Variants in TRAPPC3 observed in about 807,000 individuals in gnomAD.
The protein encoded by TRAPPC3 is trafficking protein particle complex 3.
Under a neutral mutation model 18.2 loss-of-function variants are expected in TRAPPC3, and 5 were observed. That is an observed-to-expected ratio of 0.28 (90% confidence interval 0.14 to 0.58). TRAPPC3 has a LOEUF of 0.58. Among genes scored for constraint, TRAPPC3 ranks in the 20% least tolerant of loss-of-function variants. The pLI is 0.91. For synonymous variants in TRAPPC3, 65 were observed against 84.2 expected (o/e 0.77, Z 1.25); for missense variants, 176 against 225.9 (o/e 0.78, Z 1.41).
upstream of TRAPPC3, among the ~76,000 whole-genome samples, chr1:36,153,035 T>C (rs115913112): frequency 4.8e-3 from 728 of 152,306 alleles, 7 homozygotes; most frequent in African/African-American, 0.015. Context: ...AGCTCACTCA[T>C]GCCTGTTTCC....
At chr1:36,147,708 A>G (rs1283507580) in intron 1 of TRAPPC3, among the ~76,000 whole-genome samples, 1 of 152,188 alleles carries the variant, frequency 6.6e-6, no homozygotes, top group Admixed American at 6.5e-5. Flanking sequence ...TCAGGAGGGA[A>G]GGCCTCTCAA....
At chr1:36,152,121 G>C (rs913067086), upstream of TRAPPC3, among the ~76,000 whole-genome samples, 5 of 152,086 alleles carry the variant, frequency 3.3e-5, no homozygotes, top group African/African-American at 1.2e-4. Flanking sequence ...GGGTGTGGGA[G>C]CAGCATCCAA....
chr1:36,149,453 C>G lies in TRAPPC3; in HGVS notation c.-75G>C. 6.4e-7 allele frequency: 1 copy of G among 1,572,796 alleles called. No individual in the cohort carries two copies. Among genetic ancestry groups the G allele is most frequent in the Non-Finnish European group, 8.6e-7 (1 of 1,156,638 alleles). On this transcript the variant is annotated 5_prime_UTR_variant, in exon 1 of 5. Coordinates refer to ENST00000373166, the MANE Select transcript of TRAPPC3 (RefSeq NM_014408.5). ...CCCCTGCAGACGCCGGAGCCTAAGC[C>G]GCTGCCCCTCAGCCCACAAGACCGA...
At chr1:36,149,522 CACGGG>C (rs1411078322), upstream of TRAPPC3, 3 of 1,085,164 alleles carry the variant, frequency 2.8e-6, no homozygotes, top group African/African-American at 1.6e-5. Flanking sequence ...CGCGGGGCAC[CACGGG>C]ACTAGTGGTC....
At chr1:36,145,640 C>T (rs1466269302) in intron 1 of TRAPPC3, among the ~76,000 whole-genome samples, 3 of 152,222 alleles carry the variant, frequency 2.0e-5, no homozygotes, top group African/African-American at 7.2e-5. Context: ...ACTAGCTTTA[C>T]TAATAACACA....
intron 1 of TRAPPC3, among the ~76,000 whole-genome samples, chr1:36,146,024 C>T (rs185267023): frequency 9.2e-5 from 14 of 151,998 alleles, no homozygotes; most frequent in Admixed American, 3.9e-4. Flanking sequence ...GTGATCCACC[C>T]GCCCTGGCCT....
intron 1 of TRAPPC3, 51 bp from the exon 2 acceptor site, chr1:36,140,217 C>A (rs762454722): frequency 8.8e-6 from 11 of 1,249,492 alleles, no homozygotes; most frequent in Non-Finnish European, 1.1e-5. Flanking sequence ...AAAGAGAAAG[C>A]GTGGTGAGAG....
chr1:36,149,293 C>T, intron 1 of TRAPPC3, 44 bp downstream of exon 1: 1 of 1,612,986 alleles, frequency 6.2e-7, no homozygotes, highest in Non-Finnish European at 8.5e-7. Context: ...TCCCTGTACG[C>T]CTCAATTTCG....
chr1:36,144,830 T>G (rs1268918895), intron 1 of TRAPPC3, among the ~76,000 whole-genome samples: 2 of 152,210 alleles, frequency 1.3e-5, no homozygotes, highest in Non-Finnish European at 2.9e-5. Flanking sequence ...TGAATGTGCT[T>G]TGCAGACAAG....
chr1:36,149,549 G>T, upstream of TRAPPC3: 1 of 756,292 alleles, frequency 1.3e-6, no homozygotes. Context: ...GGCCGACGTG[G>T]GCAACTCCCG....
upstream of TRAPPC3, chr1:36,149,626 C>T (rs1006418548): frequency 2.1e-5 from 12 of 583,868 alleles, no homozygotes; most frequent in Admixed American, 3.0e-4. Flanking sequence ...ACACAGTCAA[C>T]TACAACTCCC....
At chr1:36,138,813 C>T (rs987176202) in intron 3 of TRAPPC3, among the ~76,000 whole-genome samples, 1 of 151,968 alleles carries the variant, frequency 6.6e-6, no homozygotes, top group African/African-American at 2.4e-5. Flanking sequence ...GGCAGATCAC[C>T]TGAGGTGGGG....
At position 36,145,694 on chromosome 1, in the gene TRAPPC3, C is replaced by T. The variant is rs537408100; in HGVS notation, c.42+3643G>A. ...GGTGTCAACTGTGTTCTAAGTGCAC[C>T]GTTACACTGCTAGCTTTACATGCAT... On this transcript the variant is annotated intron_variant, in intron 1 of 4. Coordinates refer to ENST00000373166, the MANE Select transcript of TRAPPC3 (RefSeq NM_014408.5). Among the ~76,000 whole-genome samples the T allele has an allele frequency of 4.6e-5, 7 of 152,308 alleles. No individual in the cohort carries two copies. In the East Asian group the frequency reaches 5.8e-4, roughly 13 times the overall value.
intron 1 of TRAPPC3, among the ~76,000 whole-genome samples, chr1:36,142,800 CA>C (rs1644136123): frequency 6.6e-6 from 1 of 152,110 alleles, no homozygotes; most frequent in Non-Finnish European, 1.5e-5. Flanking sequence ...GAGGCTGAGG[CA>C]GAAGGATCAC....
chr1:36,146,441 C>G (rs911170662), intron 1 of TRAPPC3, among the ~76,000 whole-genome samples: 2 of 151,706 alleles, frequency 1.3e-5, no homozygotes, highest in African/African-American at 4.8e-5. Flanking sequence ...GGACTACAGA[C>G]GCCCGCCACC....
At chr1:36,145,460 C>A (rs1644179811) in intron 1 of TRAPPC3, among the ~76,000 whole-genome samples, 1 of 152,148 alleles carries the variant, frequency 6.6e-6, no homozygotes, top group African/African-American at 2.4e-5. Flanking sequence ...ACTCTCTTAC[C>A]CTCCAGCCTT....
chr1:36,149,402 C>A lies in TRAPPC3; in HGVS notation c.-24G>T. The A allele has an allele frequency of 6.2e-7, 1 of 1,611,966 alleles. No homozygotes were observed. The highest frequency in any genetic ancestry group is 8.5e-7 in the Non-Finnish European group (1 of 1,179,608). On this transcript the variant is annotated 5_prime_UTR_variant, in exon 1 of 5. Transcript: ENST00000373166. ...ATGGTGCCGGCCGCCCCGCCCCACTCGCCTAGCCACGGGTTAGCTCGGCGA... is the reference window on the plus strand; with the variant it reads ...ATGGTGCCGGCCGCCCCGCCCCACTAGCCTAGCCACGGGTTAGCTCGGCGA...
At chr1:36,148,265 G>C (rs1644229347) in intron 1 of TRAPPC3, among the ~76,000 whole-genome samples, 1 of 152,158 alleles carries the variant, frequency 6.6e-6, no homozygotes, top group African/African-American at 2.4e-5. Flanking sequence ...TTCGAGACCA[G>C]GCTGGCCAAC....
chr1:36,138,320 C>T, intron 3 of TRAPPC3: 1 of 1,478,684 alleles, frequency 6.8e-7, no homozygotes. Context: ...GACACGGTGG[C>T]TGCCTGAGTG....
Sources: allele counts gnomAD v4.1 joint callset (sites outside exome capture counted in the v4.1 genomes callset), GRCh38; gene constraint gnomAD v4.1.1; transcripts MANE v1.5; gene names NCBI Gene and HGNC (gene_info 2026-07-23, HGNC 2026-07-21).